Variants in IL1RAPL2 observed in about 807,000 individuals in gnomAD.
The protein encoded by IL1RAPL2 is interleukin 1 receptor accessory protein like 2.
In IL1RAPL2, 3 loss-of-function variants were observed where a neutral mutation model predicts 44.1. The ratio of observed to expected loss-of-function variants is 0.07; its 90% CI spans 0.03 to 0.18. IL1RAPL2 has a LOEUF of 0.18. Among genes scored for constraint, IL1RAPL2 ranks in the 10% least tolerant of loss-of-function variants. The pLI, the probability that IL1RAPL2 is intolerant of heterozygous loss-of-function variation, is 1.00. For missense variants in IL1RAPL2, 391 were observed against 496.4 expected (o/e 0.79, Z 2.02); for synonymous variants, 181 against 178.8 (o/e 1.01, Z -0.10).
At chrX:105,247,129 G>C (rs1206772365) in intron 4 of IL1RAPL2, among the ~76,000 whole-genome samples, 1 of 111,459 alleles carries the variant, frequency 9.0e-6, no homozygotes, top group African/African-American at 3.3e-5. Flanking sequence ...GTGGGAGAGA[G>C]TTGTATCTCC....
intron 2 of IL1RAPL2, among the ~76,000 whole-genome samples, chrX:105,096,510 A>G (rs1990926152): frequency 8.9e-6 from 1 of 112,655 alleles, no homozygotes; most frequent in South Asian, 3.6e-4. Flanking sequence ...GAGTATTTTG[A>G]CATAAAAAGG....
intron 1 of IL1RAPL2, among the ~76,000 whole-genome samples, chrX:104,619,284 C>T (rs1351705504): frequency 8.9e-6 from 1 of 112,212 alleles, no homozygotes; most frequent in African/African-American, 3.2e-5. Flanking sequence ...AGTCCCACAT[C>T]TGGGAAAATG....
At chrX:105,059,528 C>CTTTT (rs775130033) in intron 2 of IL1RAPL2, among the ~76,000 whole-genome samples, 1 of 111,554 alleles carries the variant, frequency 9.0e-6, no homozygotes, top group East Asian at 2.8e-4. Context: ...TCTTTTCTTT[C>CTTTT]TTTTTTTTCT....
intron 4 of IL1RAPL2, among the ~76,000 whole-genome samples, chrX:105,248,408 G>A (rs972562216): frequency 6.3e-5 from 7 of 111,703 alleles, no homozygotes; most frequent in African/African-American, 2.3e-4. Context: ...CAGTATGGTA[G>A]CTTCCTAAAA....
chrX:104,750,951 G>A (rs183280634), intron 2 of IL1RAPL2, among the ~76,000 whole-genome samples: 2 of 110,791 alleles, frequency 1.8e-5, no homozygotes, highest in African/African-American at 3.3e-5. Context: ...TTGATAAGTC[G>A]CCAGATTCAC....
At chrX:105,141,099 C>T (rs993287938) in intron 2 of IL1RAPL2, among the ~76,000 whole-genome samples, 16 of 111,538 alleles carry the variant, frequency 1.4e-4, no homozygotes, top group African/African-American at 4.6e-4. Context: ...TCAATGTTTT[C>T]GTTAAAAGAA....
intron 2 of IL1RAPL2, among the ~76,000 whole-genome samples, chrX:105,055,738 C>T (rs1196606585): frequency 9.0e-6 from 1 of 111,010 alleles, no homozygotes; most frequent in Non-Finnish European, 1.9e-5. Context: ...TTAGAATTGC[C>T]CACAGTTACA....
At chrX:104,758,096 C>A (rs956326134) in intron 2 of IL1RAPL2, among the ~76,000 whole-genome samples, 2 of 111,612 alleles carry the variant, frequency 1.8e-5, no homozygotes, top group Non-Finnish European at 3.8e-5. Context: ...CTACATCCAG[C>A]CAGAATAGAT....
intron 5 of IL1RAPL2, among the ~76,000 whole-genome samples, chrX:105,315,714 G>C (rs1185914826): frequency 3.0e-5 from 3 of 100,947 alleles, no homozygotes; most frequent in African/African-American, 1.0e-4. Flanking sequence ...TTTGGAGTCT[G>C]ATGTTTGAGG....
intron 2 of IL1RAPL2, among the ~76,000 whole-genome samples, chrX:104,921,982 G>A (rs1253075826): frequency 8.9e-6 from 1 of 112,145 alleles, no homozygotes; most frequent in African/African-American, 3.2e-5. Context: ...CACAGGAGAG[G>A]CGCCGCCACC....
intron 1 of IL1RAPL2, among the ~76,000 whole-genome samples, chrX:104,582,151 C>A (rs186683185): frequency 8.9e-6 from 1 of 112,145 alleles, no homozygotes; most frequent in African/African-American, 3.2e-5. Flanking sequence ...ACATACACTC[C>A]GCTGCTATGT....
intron 2 of IL1RAPL2, among the ~76,000 whole-genome samples, chrX:104,682,295 T>G (rs777925413): frequency 8.9e-6 from 1 of 112,100 alleles, no homozygotes; most frequent in Non-Finnish European, 1.9e-5. Flanking sequence ...GGACAGAAAT[T>G]TCAAAAAATT....
chrX:104,591,404 A>T (rs775077946), intron 1 of IL1RAPL2, among the ~76,000 whole-genome samples: 106 of 111,750 alleles, frequency 9.5e-4, no homozygotes, highest in Non-Finnish European at 1.5e-3. Flanking sequence ...ACTATAGCCT[A>T]TCAGATGGTT....
At chrX:104,577,633 G>A (rs1205470618) in intron 1 of IL1RAPL2, among the ~76,000 whole-genome samples, 1 of 111,401 alleles carries the variant, frequency 9.0e-6, no homozygotes, top group Non-Finnish European at 1.9e-5. Context: ...TGATAATTAA[G>A]GTAAAAACTG....
intron 5 of IL1RAPL2, among the ~76,000 whole-genome samples, chrX:105,332,592 A>G (rs766492385): frequency 9.0e-6 from 1 of 111,680 alleles, no homozygotes; most frequent in East Asian, 2.8e-4. Context: ...CTGTTTGCAG[A>G]TGATATAATC....
chrX:105,021,985 A>G (rs1275791664), intron 2 of IL1RAPL2, among the ~76,000 whole-genome samples: 1 of 110,941 alleles, frequency 9.0e-6, no homozygotes, highest in African/African-American at 3.3e-5. Context: ...AATTGTAGGA[A>G]TTGGTAAGTG....
At chrX:105,689,770 T>C (rs1338082243) in intron 6 of IL1RAPL2, among the ~76,000 whole-genome samples, 1 of 112,177 alleles carries the variant, frequency 8.9e-6, no homozygotes, top group African/African-American at 3.2e-5. Flanking sequence ...CATGCACACG[T>C]ATGTTTACTT....
chrX:104,646,179 G>GA (rs1322502973), intron 1 of IL1RAPL2, among the ~76,000 whole-genome samples: 1 of 111,818 alleles, frequency 8.9e-6, no homozygotes, highest in Non-Finnish European at 1.9e-5. Context: ...TGGTCTTCAT[G>GA]ATTTGGAATA....
intron 7 of IL1RAPL2, among the ~76,000 whole-genome samples, chrX:105,738,132 T>C (rs1177960179): frequency 9.0e-6 from 1 of 111,669 alleles, no homozygotes; most frequent in Non-Finnish European, 1.9e-5. Context: ...AAGCCAATCT[T>C]AAATGTCAGT....
Sources: gnomAD v4.1 joint callset for allele counts (sites outside exome capture counted in the v4.1 genomes callset) on GRCh38, gnomAD v4.1.1 for gene constraint, MANE v1.5 for transcripts, NCBI Gene and HGNC (gene_info 2026-07-23, HGNC 2026-07-21) for gene names.